Variants in TRAPPC10 observed in about 807,000 individuals in gnomAD.
The protein encoded by TRAPPC10 is TRAPP 130 kDa subunit.
In TRAPPC10, 23 loss-of-function variants were observed where a neutral mutation model predicts 125.5. The observed-to-expected ratio is 0.18, with a 90% CI of 0.13 to 0.26. The LOEUF (loss-of-function observed/expected upper bound fraction) is 0.26, where lower values mean the gene tolerates loss of function less well. Among genes scored for constraint, TRAPPC10 ranks in the 10% least tolerant of loss-of-function variants. The pLI, the probability that TRAPPC10 is intolerant of heterozygous loss-of-function variation, is 1.00. For synonymous variants in TRAPPC10, 509 were observed against 518.0 expected (o/e 0.98, Z 0.24); for missense variants, 1,123 against 1,308.4 (o/e 0.86, Z 2.19).
chr21:44,082,039 T>C lies in TRAPPC10; in HGVS notation c.1724-749T>C, dbSNP rs2245759. 0.32 allele frequency among the ~76,000 whole-genome samples: 48,726 copies of C among 152,116 alleles called. 10,666 individuals carry two copies. Among genetic ancestry groups the C allele is most frequent in the African/African-American group, 0.62 (25,792 of 41,442 alleles). ...GAGACTATTTGAGTTGTGATGTTCCTGCCAACGTTCCTTGGTATCTCTATA... is the reference window on the plus strand; with the variant it reads ...GAGACTATTTGAGTTGTGATGTTCCCGCCAACGTTCCTTGGTATCTCTATA... On this transcript the variant is annotated intron_variant, in intron 13 of 22. Transcript: ENST00000291574. This position sits in a 1 kb window ranked among gnomAD's most constrained non-coding sequence, Gnocchi z 4.4.
chr21:44,052,795 T>G (rs527576630), intron 4 of TRAPPC10, among the ~76,000 whole-genome samples: 56 of 152,198 alleles, frequency 3.7e-4, no homozygotes, highest in Non-Finnish European at 7.5e-4. Context: ...CTTAAAGGTT[T>G]TTGTTTTTTT....
chr21:44,081,561 C>T (rs2037741196), intron 13 of TRAPPC10, among the ~76,000 whole-genome samples: 1 of 152,214 alleles, frequency 6.6e-6, no homozygotes, highest in African/African-American at 2.4e-5. Flanking sequence ...CGCTGGGCCC[C>T]AGATGCTTGT....
intron 18 of TRAPPC10, among the ~76,000 whole-genome samples, chr21:44,090,882 A>G (rs1009327973): frequency 6.6e-6 from 1 of 152,192 alleles, no homozygotes; most frequent in Non-Finnish European, 1.5e-5. Flanking sequence ...AATAATCTCT[A>G]AAAGAACCTT....
Position 44,012,480 on chromosome 21 carries a change from G to C in TRAPPC10, c.-14G>C. 6.8e-7 allele frequency: 1 copy of C among 1,469,086 alleles called. No individual in the cohort carries two copies. The allele number at this position is 1,469,086 out of a possible 1,614,324, so 91.0% of individuals were successfully genotyped here. ...ATGGGGCGCGGGGGGCCGGGCCGGT[G>C]ACGCCGGACGCCCATGGACGCCTCT... On this transcript the variant is annotated 5_prime_UTR_variant, in exon 1 of 23. It removes the in-frame stop codon of an upstream open reading frame in the 5' UTR. Transcript: ENST00000291574.
At chr21:44,069,942 G>A (rs1338885277) in intron 7 of TRAPPC10, among the ~76,000 whole-genome samples, 1 of 151,874 alleles carries the variant, frequency 6.6e-6, no homozygotes, top group Admixed American at 6.6e-5. Flanking sequence ...TTCCCAGGCT[G>A]GAGTGCAGTG....
chr21:44,074,778 A>G (rs753092159), intron 8 of TRAPPC10, among the ~76,000 whole-genome samples: 3 of 152,222 alleles, frequency 2.0e-5, no homozygotes, highest in Non-Finnish European at 4.4e-5. Context: ...TGTGTGCAGC[A>G]GGTAGGCTGG....
rs577580196 is a variant in TRAPPC10, at chr21:44,012,735, C to T, written c.67+175C>T. 1.4e-4 allele frequency among the ~76,000 whole-genome samples: 22 copies of T among 152,100 alleles called. No homozygotes were observed. In the East Asian group the frequency reaches 3.9e-3, roughly 27 times the overall value. On this transcript the variant is annotated intron_variant, in intron 1 of 22. Coordinates refer to ENST00000291574, the MANE Select transcript of TRAPPC10 (RefSeq NM_003274.5). Reference sequence around the variant, plus strand: ...GGGCCCTCTGACTTTTCGGGGACGCCCTCTGACCTTCCCGCCGGGCGACCT... The same window carrying T: ...GGGCCCTCTGACTTTTCGGGGACGCTCTCTGACCTTCCCGCCGGGCGACCT...
intron 7 of TRAPPC10, among the ~76,000 whole-genome samples, chr21:44,067,653 C>T (rs1310752381): frequency 2.6e-5 from 4 of 152,248 alleles, no homozygotes; most frequent in Non-Finnish European, 5.9e-5. Flanking sequence ...TGAGGTGCCA[C>T]GGGTCATCAG....
At chr21:44,050,592 G>A (rs2035168980) in intron 3 of TRAPPC10, among the ~76,000 whole-genome samples, 1 of 152,196 alleles carries the variant, frequency 6.6e-6, no homozygotes, top group Non-Finnish European at 1.5e-5. Context: ...ATGGCGTGTT[G>A]GGGCTTCCAG....
rs1025851772 is a variant in TRAPPC10 at position 44,105,585 on chromosome 21, CTA to C, written c.*2056_*2057del. The C allele has an allele frequency of 3.5e-4, 2 of 5,732 alleles. 1 individual carries two copies. The highest frequency in any genetic ancestry group is 4.7e-3 in the Admixed American group (2 of 424). The allele number at this position is 5,732 out of a possible 1,614,324, so 0.4% of individuals were successfully genotyped here. On this transcript the variant is annotated 3_prime_UTR_variant, in exon 23 of 23. Coordinates refer to ENST00000291574, the MANE Select transcript of TRAPPC10 (RefSeq NM_003274.5). ...AATTACCCAAAAGATCTTTTGCAAA[CTA>C]TGTTACATGAATGCTTCTGCCTCTT...
rs181364941 is a variant in TRAPPC10, at chr21:44,085,243, C to T, written c.2380+980C>T. Among the ~76,000 whole-genome samples, 32 of 152,078 alleles carry T rather than the reference C, an allele frequency of 2.1e-4. No homozygotes were observed. The East Asian group carries it at 5.2e-3, about 25-fold the overall frequency. On this transcript the variant is annotated intron_variant, in intron 15 of 22. Coordinates refer to ENST00000291574, the MANE Select transcript of TRAPPC10 (RefSeq NM_003274.5). Reference sequence around the variant, plus strand: ...CTCATTAGCCTACAAAAAGACATCACTTTGGAGATTCTAAGGAATTTGGGA... The same window carrying T: ...CTCATTAGCCTACAAAAAGACATCATTTTGGAGATTCTAAGGAATTTGGGA...
chr21:44,079,441 A>C, intron 11 of TRAPPC10, 123 bp from the exon 12 acceptor site: 236 of 1,085,702 alleles, frequency 2.2e-4, no homozygotes, highest in Non-Finnish European at 2.6e-4. Flanking sequence ...AGGGCTATCT[A>C]GAGATGTTGA....
chr21:44,044,912 C>T (rs1168055983), intron 3 of TRAPPC10, among the ~76,000 whole-genome samples: 3 of 152,092 alleles, frequency 2.0e-5, no homozygotes, highest in Non-Finnish European at 4.4e-5. Flanking sequence ...GTGATCTGCC[C>T]ACCTGGGCCT....
At chr21:44,095,318 T>C (rs2038855434) in intron 20 of TRAPPC10, among the ~76,000 whole-genome samples, 1 of 152,088 alleles carries the variant, frequency 6.6e-6, no homozygotes, top group South Asian at 2.1e-4. Flanking sequence ...CGATCTCGGC[T>C]CACCACAACC....
intron 6 of TRAPPC10, chr21:44,062,576 G>C: frequency 1.0e-6 from 1 of 985,228 alleles, no homozygotes; most frequent in Non-Finnish European, 1.2e-6. Flanking sequence ...TGCTGGTACA[G>C]GGCTGGGCTG....
chr21:44,077,671 T>C, intron 10 of TRAPPC10, 22 bp from the exon 11 acceptor site: 2 of 1,539,648 alleles, frequency 1.3e-6, no homozygotes, highest in South Asian at 1.2e-5. Flanking sequence ...AAGTACATAA[T>C]TGTGTTTTTA....
rs755603725 is a variant in TRAPPC10, at chr21:44,037,918, A to G, written c.276A>G (p.Thr92=). The G allele has an allele frequency of 1.1e-5, 17 of 1,613,560 alleles. No homozygotes were observed. The highest frequency in any genetic ancestry group is 1.7e-6 in the Non-Finnish European group (2 of 1,179,912). The change falls in exon 3 of 23, where the codon ACA becomes ACG. Residue 92 remains threonine (T), a synonymous_variant. Coordinates refer to ENST00000291574, the MANE Select transcript of TRAPPC10 (RefSeq NM_003274.5). Reference sequence around the variant, plus strand: ...TTCCCTTCCTCCATATTTACTGGACAGAGTGCTGTGTGAGTACCAGCAGGG... The same window carrying G: ...TTCCCTTCCTCCATATTTACTGGACGGAGTGCTGTGTGAGTACCAGCAGGG... The part of the protein sequence containing the change: ...LTFPFLHIYW[T]ECCDTEVYKA...
intron 9 of TRAPPC10, 108 bp downstream of exon 9, chr21:44,075,261 C>G: frequency 1.3e-6 from 1 of 760,840 alleles, no homozygotes; most frequent in South Asian, 1.7e-5. Flanking sequence ...ATATTACTCA[C>G]CATTTGGAAA....
At position 44,083,301 on chromosome 21, in the gene TRAPPC10, A is replaced by T. The variant is rs1323471084; in HGVS notation, c.2237A>T (p.Gln746Leu). The change falls in exon 14 of 23, where the codon CAG becomes CTG. Residue 746 changes from glutamine to leucine, a missense_variant and splice_region_variant. By Grantham distance (113) the Gln-to-Leu change is moderately radical (BLOSUM62 -2). Coordinates refer to ENST00000291574, the MANE Select transcript of TRAPPC10 (RefSeq NM_003274.5). ...GCCAACCAGATAACATTCAGGACTC[A>T]GGTATGCGTTCAGGGTGGGAACTTG... ...PGANQITFRT[Q>L]AKEPGTYTLR... 6.2e-7 allele frequency: 1 copy of T among 1,612,316 alleles called. No homozygotes were observed. The highest frequency in any genetic ancestry group is 8.5e-7 in the Non-Finnish European group (1 of 1,178,850).
Sources: gnomAD v4.1 joint callset for allele counts (sites outside exome capture counted in the v4.1 genomes callset) on GRCh38, gnomAD v4.1.1 for gene constraint, Gnocchi (gnomAD v3.1) non-coding constraint, MANE v1.5 for transcripts, NCBI Gene and HGNC (gene_info 2026-07-23, HGNC 2026-07-21) for gene names.